The following NADK2 variants were observed in gnomAD, a reference collection of about 807,000 sequenced individuals.
The protein encoded by NADK2 is NAD kinase 2, mitochondrial.
A neutral mutation model predicts 62.1 loss-of-function variants in NADK2; 35 were observed. The ratio of observed to expected loss-of-function variants is 0.56; its 90% CI spans 0.43 to 0.75. The LOEUF is 0.75. Ranked by LOEUF, NADK2 falls within the 30% of genes least tolerant of loss-of-function variation. The probability of loss-of-function intolerance (pLI) is 0.00; values close to 1 mark genes in which losing one functional copy is unlikely to be tolerated. For synonymous variants in NADK2, 205 were observed against 207.9 expected (o/e 0.99, Z 0.12); for missense variants, 439 against 561.3 (o/e 0.78, Z 2.20).
chr5:36,220,589 G>T (rs1489802883), intron 4 of NADK2, among the ~76,000 whole-genome samples: 1 of 152,242 alleles, frequency 6.6e-6, no homozygotes, highest in Non-Finnish European at 1.5e-5. Context: ...CTGAGGTTAA[G>T]AAAGCGTAAG....
chr5:36,219,798 G>GGAATATAGGGTAGACATT, intron 4 of NADK2, 119 bp from the exon 5 acceptor site: 1 of 727,310 alleles, frequency 1.4e-6, no homozygotes, highest in Non-Finnish European at 2.2e-6. Flanking sequence ...TTCTAAAAAT[G>GGAATATAGGGTAGACATT]TCTACCCTAT....
rs1747491624 is a variant in NADK2, at chr5:36,226,556, C to T, written c.397G>A (p.Gly133Arg). The change falls in exon 3 of 12, where the codon GGA (glycine) becomes AGA (arginine). Residue 133 changes from glycine to arginine, a missense_variant. Gly to Arg is a moderately radical substitution (Grantham distance 125, BLOSUM62 -2). Transcript: ENST00000381937. ...CTCTTTACTAGACGAACCTCAATTCCCTCATTCCTAGGATAAAAAAGGAAA... is the reference window on the plus strand; with the variant it reads ...CTCTTTACTAGACGAACCTCAATTCTCTCATTCCTAGGATAAAAAAGGAAA... ...EHIIDSLRNEGIEVRLVKRRE... is the reference protein window; with the variant it reads ...EHIIDSLRNERIEVRLVKRRE... 1 of 1,610,718 alleles carries T rather than the reference C, an allele frequency of 6.2e-7. No individual in the cohort carries two copies. The highest frequency in any genetic ancestry group is 1.1e-5 in the South Asian group (1 of 90,932).
chr5:36,197,726 C>G (rs1746286034), intron 10 of NADK2, 62 bp from the exon 11 acceptor site: 2 of 1,341,908 alleles, frequency 1.5e-6, no homozygotes, highest in African/African-American at 3.0e-5. Context: ...AAGGGCAAAA[C>G]AAAAAATAGA....
chr5:36,202,276 A>G (rs1024518586), intron 8 of NADK2, among the ~76,000 whole-genome samples: 2 of 152,112 alleles, frequency 1.3e-5, no homozygotes, highest in African/African-American at 4.8e-5. Context: ...ATCTTCATCA[A>G]CTACTAAAGC....
At chr5:36,204,901 T>A (rs1170165283) in intron 8 of NADK2, among the ~76,000 whole-genome samples, 3 of 152,024 alleles carry the variant, frequency 2.0e-5, no homozygotes, top group Non-Finnish European at 4.4e-5. Flanking sequence ...GGGGATTCAT[T>A]ACACTATTTT....
chr5:36,216,989 C>T (rs915468250), intron 6 of NADK2, among the ~76,000 whole-genome samples: 1 of 151,890 alleles, frequency 6.6e-6, no homozygotes, highest in Non-Finnish European at 1.5e-5. Context: ...AACATGCTAA[C>T]CTATTAAGCT....
rs927114254 is a variant in NADK2 at position 36,219,199 on chromosome 5, G to T, written c.644+397C>A. ...GAGTAATCCAAACATTATCTGATTTGTTCTGGTTTTTTGTGTGTTTGTTTG... is the reference window on the plus strand; with the variant it reads ...GAGTAATCCAAACATTATCTGATTTTTTCTGGTTTTTTGTGTGTTTGTTTG... On this transcript the variant is annotated intron_variant, in intron 5 of 11. Transcript: ENST00000381937. Among the ~76,000 whole-genome samples the T allele has an allele frequency of 5.3e-5, 8 of 152,148 alleles. No homozygotes were observed. In the South Asian group the frequency reaches 1.7e-3, roughly 32 times the overall value.
At chr5:36,227,086 T>C (rs1747510924) in intron 2 of NADK2, among the ~76,000 whole-genome samples, 1 of 152,322 alleles carries the variant, frequency 6.6e-6, no homozygotes, top group South Asian at 2.1e-4. Context: ...CTGAATTAAC[T>C]GAAGTTTCTG....
At chr5:36,221,503 T>G (rs1225010495) in intron 4 of NADK2, 1 of 152,192 alleles carries the variant, frequency 6.6e-6, no homozygotes, top group Non-Finnish European at 1.5e-5. Flanking sequence ...GAGAAAAAAC[T>G]TAAGTTGAAC....
intron 7 of NADK2, among the ~76,000 whole-genome samples, chr5:36,209,979 A>T (rs1029457284): frequency 1.3e-5 from 2 of 152,196 alleles, no homozygotes; most frequent in African/African-American, 4.8e-5. Context: ...GTCATTGGCT[A>T]CAATGTGAAT....
chr5:36,213,176 TC>T (rs2112114549), intron 6 of NADK2: 2 of 152,324 alleles, frequency 1.3e-5, no homozygotes, highest in Non-Finnish European at 2.9e-5. Flanking sequence ...GATTGTCACC[TC>T]CTGCCTAAAC....
At chr5:36,233,904 G>A (rs1337626033) in intron 1 of NADK2, among the ~76,000 whole-genome samples, 2 of 152,124 alleles carry the variant, frequency 1.3e-5, no homozygotes, top group African/African-American at 4.8e-5. Flanking sequence ...GAAATTAAAA[G>A]ATACCATTTC....
intron 4 of NADK2, among the ~76,000 whole-genome samples, chr5:36,224,125 T>C (rs996818235): frequency 4.6e-5 from 7 of 151,854 alleles, no homozygotes; most frequent in Admixed American, 2.6e-4. Flanking sequence ...TAGGGCTACA[T>C]AGGAAGTTTG....
intron 1 of NADK2, among the ~76,000 whole-genome samples, chr5:36,229,055 A>C (rs1561073445): frequency 6.6e-6 from 1 of 152,218 alleles, no homozygotes; most frequent in Non-Finnish European, 1.5e-5. Flanking sequence ...AACAATATGG[A>C]AAATGCATAT....
intron 8 of NADK2, among the ~76,000 whole-genome samples, chr5:36,204,987 ACT>A (rs2112085141): frequency 6.6e-6 from 1 of 152,098 alleles, no homozygotes; most frequent in South Asian, 2.1e-4. Context: ...AGGAAATAAA[ACT>A]CTAAATTAAA....
rs4869471 is a variant in NADK2 at position 36,200,132 on chromosome 5, A to G, written c.1066+95T>C. ...GTATTAAAAGCATGTTTGAGTAAAA[A>G]AAAGTACTTTGCTAATTAAACAACA... On this transcript the variant is annotated intron_variant, in intron 10 of 11. Transcript: ENST00000381937. 0.01 allele frequency: 8,332 copies of G among 808,300 alleles called. 574 individuals are homozygous for G. The East Asian group carries it at 0.16, about 15-fold the overall frequency. 50.1% of individuals were successfully genotyped at this position (808,300 alleles called of 1,614,324 possible).
rs577623177 is a variant in NADK2, at chr5:36,201,906, C to T, written c.957-745G>A. On this transcript the variant is annotated intron_variant, in intron 8 of 11. Coordinates refer to ENST00000381937, the MANE Select transcript of NADK2 (RefSeq NM_001085411.3). ...ATAACTTTTCAAAATAGTTCTGTCC[C>T]GGGGTCTATAAAGATCACTAAGAAA... Among the ~76,000 whole-genome samples the T allele has an allele frequency of 8.6e-5, 13 of 151,972 alleles. 1 individual carries two copies. Among genetic ancestry groups the T allele is most frequent in the South Asian group, 2.1e-4 (1 of 4,806 alleles).
Position 36,241,370 on chromosome 5 carries a change from G to A in NADK2, c.300+129C>T. On this transcript the variant is annotated intron_variant, in intron 1 of 11. Coordinates refer to ENST00000381937, the MANE Select transcript of NADK2 (RefSeq NM_001085411.3). The surrounding 1 kb of genome is among the most constrained non-coding windows in gnomAD (Gnocchi z 4.9). ...AGAAGCCAGAGGACCTGGGGGCCGC[G>A]AGAGAGGCAGGACCGGCATCTGCGG... The A allele has an allele frequency of 4.5e-6, 6 of 1,339,696 alleles. No individual in the cohort carries two copies. The highest frequency in any genetic ancestry group is 4.8e-6 in the Non-Finnish European group (5 of 1,046,664). The allele number at this position is 1,339,696 out of a possible 1,614,324, so 83.0% of individuals were successfully genotyped here.
At chr5:36,219,051 A>G (rs1049796337) in intron 5 of NADK2, among the ~76,000 whole-genome samples, 1 of 152,248 alleles carries the variant, frequency 6.6e-6, no homozygotes. Context: ...CAGTTATATT[A>G]TAGGCCAACC....
Sources: gnomAD v4.1 joint callset for allele counts (sites outside exome capture counted in the v4.1 genomes callset) on GRCh38, gnomAD v4.1.1 for gene constraint, Gnocchi (gnomAD v3.1) non-coding constraint, MANE v1.5 for transcripts, NCBI Gene and HGNC (gene_info 2026-07-23, HGNC 2026-07-21) for gene names.